Variants in PCLO observed in about 807,000 individuals in gnomAD.
PCLO encodes the protein piccolo presynaptic cytomatrix protein.
In PCLO, 82 loss-of-function variants were observed where a neutral mutation model predicts 427.5. That is an observed-to-expected ratio of 0.19 (90% confidence interval 0.16 to 0.23). The LOEUF is 0.23. Among genes scored for constraint, PCLO ranks in the 10% least tolerant of loss-of-function variants. The pLI is 1.00. For missense variants in PCLO, 6,239 were observed against 6,115.9 expected (o/e 1.02, Z -0.67); for synonymous variants, 2,357 against 2,155.4 (o/e 1.09, Z -2.59).
chr7:82,922,351 T>C (rs1392991622), intron 6 of PCLO, among the ~76,000 whole-genome samples: 1 of 151,966 alleles, frequency 6.6e-6, no homozygotes, highest in Non-Finnish European at 1.5e-5. Context: ...TGTCCATCAA[T>C]GGTAGACTAG....
chr7:82,847,552 TGCTCAGAC>T (rs1166007170), intron 10 of PCLO, among the ~76,000 whole-genome samples: 1 of 152,190 alleles, frequency 6.6e-6, no homozygotes, highest in Non-Finnish European at 1.5e-5. Context: ...GAATATATAT[TGCTCAGAC>T]CAATTTTGTA....
rs1164600210 is a variant in PCLO, at chr7:83,135,117, T to C, written c.2433A>G (p.Glu811=). 1.2e-6 allele frequency: 2 copies of C among 1,613,980 alleles called. No individual in the cohort carries two copies. Among genetic ancestry groups the C allele is most frequent in the Non-Finnish European group, 8.5e-7 (1 of 1,179,892 alleles). The change falls in exon 3 of 25, where the codon GAA becomes GAG. Residue 811 remains glutamate (E), a synonymous_variant. Coordinates refer to ENST00000333891, the MANE Select transcript of PCLO (RefSeq NM_033026.6). ...KPSQSFPPTG[E]KVSPFDSKAI... ...CTTTAGAATCAAATGGGCTGACTTTTTCCCCTGTTGGTGGAAAACTCTGTG... is the reference window on the plus strand; with the variant it reads ...CTTTAGAATCAAATGGGCTGACTTTCTCCCCTGTTGGTGGAAAACTCTGTG...
intron 3 of PCLO, among the ~76,000 whole-genome samples, chr7:82,999,922 GAGAA>G (rs1373696963): frequency 3.8e-5 from 5 of 133,150 alleles, no homozygotes; most frequent in Non-Finnish European, 7.8e-5. Context: ...GAAAAGAAGA[GAGAA>G]AGAAACAGAA....
chr7:83,134,215 T>C (rs1038873133), intron 3 of PCLO, 35 bp downstream of exon 3: 4 of 500,264 alleles, frequency 8.0e-6, no homozygotes, highest in Admixed American at 1.8e-4. Flanking sequence ...CACCTCCATA[T>C]GTAATATATA....
chr7:82,760,293 A>G (rs1450484103), intron 24 of PCLO, among the ~76,000 whole-genome samples: 1 of 151,994 alleles, frequency 6.6e-6, no homozygotes, highest in East Asian at 1.9e-4. Flanking sequence ...GATGAAATGA[A>G]CTAAAGGGAT....
intron 8 of PCLO, among the ~76,000 whole-genome samples, chr7:82,907,068 A>G (rs1439017642): frequency 6.6e-6 from 1 of 152,004 alleles, no homozygotes; most frequent in Non-Finnish European, 1.5e-5. Flanking sequence ...ATTAAATTAG[A>G]AACAAGAATG....
intron 19 of PCLO, among the ~76,000 whole-genome samples, chr7:82,823,292 C>T (rs565049290): frequency 4.6e-5 from 7 of 152,242 alleles, no homozygotes; most frequent in African/African-American, 9.6e-5. Context: ...ATGATATCAA[C>T]TCAGTGGCCT....
Position 83,143,185 on chromosome 7 carries a change from T to C in PCLO, c.1894-7529A>G, listed in dbSNP as rs1791906142. ...CAGTATTAGGAAGATGAAATTGAGA[T>C]AAAGTTTGATAACAGATTATGTTTT... is the stretch of plus-strand genomic sequence containing the variant. On this transcript the variant is annotated intron_variant, in intron 2 of 24. Coordinates refer to ENST00000333891, the MANE Select transcript of PCLO (RefSeq NM_033026.6). Among the ~76,000 whole-genome samples, 3 of 152,134 alleles carry C rather than the reference T, an allele frequency of 2.0e-5. No homozygotes were observed. The South Asian group carries it at 6.2e-4, about 31-fold the overall frequency.
intron 3 of PCLO, among the ~76,000 whole-genome samples, chr7:83,030,533 T>C (rs1788641518): frequency 6.6e-6 from 1 of 152,156 alleles, no homozygotes; most frequent in African/African-American, 2.4e-5. Context: ...GTTCAATTTA[T>C]ACTGCAGTAT....
intron 3 of PCLO, among the ~76,000 whole-genome samples, chr7:83,010,366 A>G (rs946912262): frequency 2.0e-5 from 3 of 151,622 alleles, no homozygotes; most frequent in Non-Finnish European, 2.9e-5. Flanking sequence ...AACCCTTCCA[A>G]TCTATTCCTG....
chr7:82,776,318 C>T (rs1790748253), intron 22 of PCLO, among the ~76,000 whole-genome samples: 1 of 151,954 alleles, frequency 6.6e-6, no homozygotes, highest in African/African-American at 2.4e-5. Context: ...CTGGGCCGGG[C>T]GTGGTGGCTC....
chr7:83,110,123 T>G (rs1343838433), intron 3 of PCLO, among the ~76,000 whole-genome samples: 2 of 151,342 alleles, frequency 1.3e-5, no homozygotes, highest in Non-Finnish European at 2.9e-5. Flanking sequence ...ACTTACAATG[T>G]ACCATGTTTT....
chr7:82,995,824 C>A (rs1796482230), intron 3 of PCLO, among the ~76,000 whole-genome samples: 1 of 151,776 alleles, frequency 6.6e-6, no homozygotes, highest in Non-Finnish European at 1.5e-5. Flanking sequence ...GTACTTAGAT[C>A]CATGCACGGT....
intron 1 of PCLO, among the ~76,000 whole-genome samples, chr7:83,160,982 A>G (rs544225655): frequency 7.2e-5 from 11 of 152,284 alleles, no homozygotes; most frequent in African/African-American, 2.6e-4. Context: ...CATAAACTGG[A>G]TAAGAGAACA....
intron 2 of PCLO, among the ~76,000 whole-genome samples, chr7:83,139,244 T>A (rs1190672054): frequency 2.6e-5 from 4 of 152,120 alleles, no homozygotes; most frequent in African/African-American, 9.7e-5. Context: ...GAATAAATAT[T>A]CTACATATAA....
intron 10 of PCLO, among the ~76,000 whole-genome samples, chr7:82,860,817 T>C (rs1360652767): frequency 6.6e-6 from 1 of 151,908 alleles, no homozygotes; most frequent in African/African-American, 2.4e-5. Context: ...AGTGGGGGGA[T>C]GAAATTAAGG....
chr7:82,813,812 A>C (rs564576839), intron 20 of PCLO, among the ~76,000 whole-genome samples: 1 of 151,976 alleles, frequency 6.6e-6, no homozygotes, highest in Admixed American at 6.6e-5. Flanking sequence ...TCCTTTTGGC[A>C]TTAAATATTT....
intron 22 of PCLO, among the ~76,000 whole-genome samples, chr7:82,794,459 C>CTGTTTTTTTTTTTT (rs1554333552): frequency 0.013 from 715 of 56,374 alleles, 149 homozygotes; most frequent in Non-Finnish European, 0.022. Flanking sequence ...AATTTTTTTT[C>CTGTTTTTTTTTTTT]TTTTTTTTTT....
intron 14 of PCLO, among the ~76,000 whole-genome samples, chr7:82,838,987 C>T (rs1243486618): frequency 2.0e-5 from 3 of 151,918 alleles, no homozygotes; most frequent in South Asian, 4.1e-4. Context: ...TTTATAGATG[C>T]TTATTGGCTG....
Sources: allele counts gnomAD v4.1 joint callset (sites outside exome capture counted in the v4.1 genomes callset), GRCh38; gene constraint gnomAD v4.1.1; transcripts MANE v1.5; gene names NCBI Gene and HGNC (gene_info 2026-07-23, HGNC 2026-07-21).